The following MMP14 variants were observed in gnomAD, a reference collection of about 807,000 sequenced individuals.
The protein encoded by MMP14 is matrix metalloproteinase-14.
Under a neutral mutation model 64.8 loss-of-function variants are expected in MMP14, and 13 were observed. The observed-to-expected ratio is 0.20, with a 90% CI of 0.13 to 0.32. The LOEUF is 0.32. MMP14 is among the 10% of genes least tolerant of loss of function. MMP14 has a pLI of 1.00. For synonymous variants in MMP14, 322 were observed against 315.9 expected (o/e 1.02, Z -0.20); for missense variants, 594 against 783.8 (o/e 0.76, Z 2.89).
In MMP14 at chr14:22,841,533, C is replaced by T. The variant is rs780626365; in HGVS notation, c.151C>T (p.Arg51Cys). ...TGGCTACCTGCCTCCCGGGGACCTA[C>T]GTACCCACACACAGCGCTCACCCCA... ...QYGYLPPGDL[R>C]THTQRSPQSL... Residue 51 changes from arginine (R) to cysteine (C), a missense_variant, in exon 2 of 10, where the codon CGT becomes TGT. Arg to Cys is a radical substitution (Grantham distance 180). Coordinates refer to ENST00000311852, the MANE Select transcript of MMP14 (RefSeq NM_004995.4). 1.4e-5 allele frequency: 23 copies of T among 1,614,130 alleles called. No homozygotes were observed. Among genetic ancestry groups the T allele is most frequent in the East Asian group, 2.2e-5 (1 of 44,892 alleles).
rs17885415 is a variant in MMP14, at chr14:22,845,222, G to A, written c.1302-29G>A. On this transcript the variant is annotated intron_variant, in intron 8 of 9. Coordinates refer to ENST00000311852, the MANE Select transcript of MMP14 (RefSeq NM_004995.4). ...CCTCCTGAGGACATGCCCAGTGTCC[G>A]CCACTGCCCTTCCTTTCCCCTTCCC... is the stretch of plus-strand genomic sequence containing the variant. 1.3e-3 allele frequency: 2,040 copies of A among 1,555,300 alleles called. 3 individuals carry two copies. The highest frequency in any genetic ancestry group is 9.4e-3 in the African/African-American group (694 of 73,826).
In MMP14 at chr14:22,844,483, A is replaced by G; in HGVS notation, c.1124A>G (p.Lys375Arg). 25 of 1,614,186 alleles carry G rather than the reference A, an allele frequency of 1.5e-5. No individual in the cohort carries two copies. Among genetic ancestry groups the G allele is most frequent in the Non-Finnish European group, 2.1e-5 (25 of 1,180,020 alleles). The change falls in exon 7 of 10, where the codon AAG becomes AGG. Residue 375 changes from lysine to arginine, a missense_variant. Lys to Arg is a conservative substitution (Grantham distance 26, BLOSUM62 2). Around this residue, in one of 4 missense-constraint regions of MMP14, gnomAD observed 364 missense variants for 425.2 expected, o/e 0.86. Transcript: ENST00000311852. ...PASINTAYER[K>R]DGKFVFFKGD... is the part of the protein sequence containing the mutation. ...TCCATCAACACTGCCTACGAGAGGA[A>G]GGATGGCAAATTCGTCTTCTTCAAA...
Position 22,842,688 on chromosome 14 carries a change from C to G in MMP14, c.659C>G (p.Pro220Arg). Residue 220 changes from proline to arginine, a missense_variant, in exon 4 of 10, where the codon CCT becomes CGT. Transcript: ENST00000311852. The surrounding 1 kb of genome is among the most constrained non-coding windows in gnomAD (Gnocchi z 5.3). Reference sequence around the variant, plus strand: ...GACACCCACTTTGACTCTGCCGAGCCTTGGACTGTCAGGAATGAGGATCTG... The same window carrying G: ...GACACCCACTTTGACTCTGCCGAGCGTTGGACTGTCAGGAATGAGGATCTG... ...GGDTHFDSAE[P>R]WTVRNEDLNG... is the part of the protein sequence containing the mutation. The G allele has an allele frequency of 2.5e-6, 4 of 1,609,198 alleles. No individual in the cohort carries two copies. The highest frequency in any genetic ancestry group is 3.4e-6 in the Non-Finnish European group (4 of 1,176,554).
rs1291559329 is a variant in MMP14, at chr14:22,843,435, C to T, written c.850+17C>T. The T allele has an allele frequency of 6.2e-7, 1 of 1,604,704 alleles. No homozygotes were observed. The highest frequency in any genetic ancestry group is 1.1e-5 in the South Asian group (1 of 90,282). On this transcript the variant is annotated intron_variant, in intron 5 of 9. Transcript: ENST00000311852. The surrounding 1 kb of genome is among the most constrained non-coding windows in gnomAD (Gnocchi z 4.8). Reference sequence around the variant, plus strand: ...AACTTTATGGCGAGTAGTCTACACCCACGCCTGCTCCCTCCTCTGCTGCTT... The same window carrying T: ...AACTTTATGGCGAGTAGTCTACACCTACGCCTGCTCCCTCCTCTGCTGCTT...
chr14:22,841,806 CT>C, intron 2 of MMP14, 106 bp from the exon 3 acceptor site: 1 of 1,563,406 alleles, frequency 6.4e-7, no homozygotes, highest in Non-Finnish European at 8.7e-7. Flanking sequence ...TAACCTTGGC[CT>C]TTCCCCACAT....
chr14:22,839,598 G>T (rs372364088), intron 1 of MMP14, among the ~76,000 whole-genome samples: 5 of 152,212 alleles, frequency 3.3e-5, no homozygotes, highest in Non-Finnish European at 5.9e-5. Context: ...TCAGCCTTGG[G>T]GGGGGATCAC....
At position 22,845,305 on chromosome 14, in the gene MMP14, C is replaced by T. The variant is rs749985335; in HGVS notation, c.1356C>T (p.Asn452=). Residue 452 remains asparagine (N), a synonymous_variant, in exon 9 of 10, where the codon AAC becomes AAT. Transcript: ENST00000311852. Reference sequence around the variant, plus strand: ...CAGTGGATAGCGAGTACCCCAAGAACATCAAAGTCTGGGAAGGGATCCCTG... The same window carrying T: ...CAGTGGATAGCGAGTACCCCAAGAATATCAAAGTCTGGGAAGGGATCCCTG... ...LRAVDSEYPK[N]IKVWEGIPES... is the part of the protein sequence containing the mutation. The T allele has an allele frequency of 2.5e-6, 4 of 1,613,542 alleles. No individual in the cohort carries two copies. The highest frequency in any genetic ancestry group is 3.4e-6 in the Non-Finnish European group (4 of 1,179,812).
chr14:22,845,946 G>A lies in MMP14; in HGVS notation c.1656G>A (p.Val552=), dbSNP rs1595016736. Residue 552 remains valine (V), a synonymous_variant, in exon 10 of 10, where the codon GTG becomes GTA. Coordinates refer to ENST00000311852, the MANE Select transcript of MMP14 (RefSeq NM_004995.4). Reference sequence around the variant, plus strand: ...TGCCCGTGCTGCTGCTGCTCCTGGTGCTGGCGGTGGGCCTTGCAGTCTTCT... The same window carrying A: ...TGCCCGTGCTGCTGCTGCTCCTGGTACTGGCGGTGGGCCTTGCAGTCTTCT... The part of the protein sequence containing the change: ...VVLPVLLLLL[V]LAVGLAVFFF... 1 of 1,593,862 alleles carries A rather than the reference G, an allele frequency of 6.3e-7. No homozygotes were observed.
rs112461267 is a variant in MMP14, at chr14:22,843,012, C to G, written c.689-245C>G. ...GGGACTAGAGAGAGCCTTGGCTTCC[C>G]TTACCACAGGTCTTCCCGGGATCGG... On this transcript the variant is annotated intron_variant, in intron 4 of 9. Transcript: ENST00000311852. This position sits in a 1 kb window ranked among gnomAD's most constrained non-coding sequence, Gnocchi z 4.8. 6.6e-6 allele frequency among the ~76,000 whole-genome samples: 1 copy of G among 152,206 alleles called. No individual in the cohort carries two copies. Among genetic ancestry groups the G allele is most frequent in the Non-Finnish European group, 1.5e-5 (1 of 68,034 alleles).
intron 1 of MMP14, among the ~76,000 whole-genome samples, chr14:22,837,724 G>T (rs1357570652): frequency 6.6e-6 from 1 of 152,216 alleles, no homozygotes; most frequent in African/African-American, 2.4e-5. Flanking sequence ...AATGGGGAGA[G>T]GGTCTGGTCC....
In MMP14 at chr14:22,837,044, C is replaced by T; in HGVS notation, c.108+119C>T. 3 of 759,484 alleles carry T rather than the reference C, an allele frequency of 4.0e-6. No homozygotes were observed. The East Asian group carries it at 8.1e-5, about 20-fold the overall frequency. The allele number at this position is 759,484 out of a possible 1,614,324, so 47.0% of individuals were successfully genotyped here. ...CTTTTGGGATCTCCGCTGCTCAGGC[C>T]TGCAGGATTCCCCCTCCCTTTCTTT... On this transcript the variant is annotated intron_variant, in intron 1 of 9. Transcript: ENST00000311852.
rs76017483 is a variant in MMP14, at chr14:22,840,543, T to C, written c.109-948T>C. Among the ~76,000 whole-genome samples the C allele has an allele frequency of 8.8e-5, 13 of 147,214 alleles. No homozygotes were observed. In the East Asian group the frequency reaches 1.6e-3, roughly 18 times the overall value. On this transcript the variant is annotated intron_variant, in intron 1 of 9. Coordinates refer to ENST00000311852, the MANE Select transcript of MMP14 (RefSeq NM_004995.4). ...TTTTTTTTTGAGACGGAGTCTTGCTTTGTCTCCCAGGCTGGAGTGCAGTGG... is the reference window on the plus strand; with the variant it reads ...TTTTTTTTTGAGACGGAGTCTTGCTCTGTCTCCCAGGCTGGAGTGCAGTGG...
intron 1 of MMP14, 93 bp from the exon 2 acceptor site, chr14:22,841,398 C>G: frequency 6.6e-7 from 1 of 1,524,658 alleles, no homozygotes. Flanking sequence ...CTTTCCTTGC[C>G]AAGCCAAGGC....
intron 6 of MMP14, among the ~76,000 whole-genome samples, chr14:22,844,100 G>A (rs1337186079): frequency 6.6e-6 from 1 of 152,138 alleles, no homozygotes; most frequent in Non-Finnish European, 1.5e-5. Flanking sequence ...GGGAGGCTGA[G>A]GCAGGAGAAT....
At position 22,843,440 on chromosome 14, in the gene MMP14, C is replaced by G; in HGVS notation, c.850+22C>G. On this transcript the variant is annotated intron_variant, in intron 5 of 9. Transcript: ENST00000311852. This position sits in a 1 kb window ranked among gnomAD's most constrained non-coding sequence, Gnocchi z 4.8. ...TATGGCGAGTAGTCTACACCCACGC[C>G]TGCTCCCTCCTCTGCTGCTTGTTCC... The G allele has an allele frequency of 1.2e-6, 2 of 1,603,004 alleles. No individual in the cohort carries two copies. Among genetic ancestry groups the G allele is most frequent in the South Asian group, 2.2e-5 (2 of 90,100 alleles).
chr14:22,841,877 C>A (rs759316969), intron 2 of MMP14, 36 bp from the exon 3 acceptor site: 11 of 1,613,744 alleles, frequency 6.8e-6, no homozygotes, highest in Non-Finnish European at 9.3e-6. Context: ...TCATACACTG[C>A]ACTGATCCCA....
Position 22,836,801 on chromosome 14 carries a change from C to T in MMP14, c.-17C>T, listed in dbSNP as rs986045790. Reference sequence around the variant, plus strand: ...CGCGGAGCCCACACTGCCCGGCTGACCCGGTGGTCTCGGACCATGTCTCCC... The same window carrying T: ...CGCGGAGCCCACACTGCCCGGCTGATCCGGTGGTCTCGGACCATGTCTCCC... On this transcript the variant is annotated 5_prime_UTR_variant, in exon 1 of 10. Transcript: ENST00000311852. The T allele has an allele frequency of 6.4e-7, 1 of 1,553,198 alleles. No homozygotes were observed. The highest frequency in any genetic ancestry group is 1.2e-5 in the South Asian group (1 of 86,402).
Position 22,842,405 on chromosome 14 carries a change from C to T in MMP14, c.381-5C>T, listed in dbSNP as rs371963061. The T allele has an allele frequency of 4.1e-5, 66 of 1,606,484 alleles. No individual in the cohort carries two copies. The highest frequency in any genetic ancestry group is 5.6e-5 in the Non-Finnish European group (66 of 1,175,366). On this transcript the variant is annotated splice_polypyrimidine_tract_variant and splice_region_variant and intron_variant, in intron 3 of 9. Transcript: ENST00000311852. The surrounding 1 kb of genome is among the most constrained non-coding windows in gnomAD (Gnocchi z 5.3). ...CCATCCTCTCCCCACGTGGCTGGAC[C>T]TCAGCATCCAGAATTACACCCCCAA...
At chr14:22,844,282 A>G in intron 6 of MMP14, 89 bp from the exon 7 acceptor site, 13 of 1,555,314 alleles carry the variant, frequency 8.4e-6, no homozygotes, top group Non-Finnish European at 1.0e-5. Context: ...AAACTGAGGA[A>G]CAAACAGCAG....
Sources: gnomAD v4.1 joint callset for allele counts (sites outside exome capture counted in the v4.1 genomes callset) on GRCh38, gnomAD v4.1.1 for gene constraint, gnomAD v4.1.1 regional missense constraint, Gnocchi (gnomAD v3.1) non-coding constraint, MANE v1.5 for transcripts, NCBI Gene and HGNC (gene_info 2026-07-23, HGNC 2026-07-21) for gene names.